Variants in KCNK2 observed in about 807,000 individuals in gnomAD.
KCNK2 encodes potassium channel subfamily K member 2.
Under a neutral mutation model 40.5 loss-of-function variants are expected in KCNK2, and 21 were observed. The ratio of observed to expected loss-of-function variants is 0.52; its 90% CI spans 0.37 to 0.75. The LOEUF (loss-of-function observed/expected upper bound fraction) is 0.75, where lower values mean the gene tolerates loss of function less well. Among genes scored for constraint, KCNK2 ranks in the 30% least tolerant of loss-of-function variants. The pLI is 0.00. For missense variants in KCNK2, 399 were observed against 531.6 expected, an observed-to-expected ratio of 0.75 and a Z score of 2.45; for synonymous variants, 191 against 202.2, an observed-to-expected ratio of 0.94 and a Z score of 0.47.
At chr1:215,224,183 G>C (rs1404582781) in intron 6 of KCNK2, among the ~76,000 whole-genome samples, 4 of 152,068 alleles carry the variant, frequency 2.6e-5, no homozygotes, top group Non-Finnish European at 5.9e-5. Context: ...AGAACCTCCT[G>C]GGTATTAGCT....
rs1663976289 is a variant in KCNK2 at position 215,176,437 on chromosome 1, T to A, written c.823+4254T>A. 2.0e-5 allele frequency among the ~76,000 whole-genome samples: 3 copies of A among 152,126 alleles called. No homozygotes were observed. In the South Asian group the frequency reaches 6.2e-4, roughly 32 times the overall value. ...GTGATTTGCTGCACAGATCAACCCA[T>A]CACCTAGATATTAAGCCCAGAATCT... On this transcript the variant is annotated intron_variant, in intron 5 of 6. Coordinates refer to ENST00000444842, the MANE Select transcript of KCNK2 (RefSeq NM_001017425.3).
At chr1:215,152,571 T>C (rs1420561332) in intron 3 of KCNK2, among the ~76,000 whole-genome samples, 1 of 152,206 alleles carries the variant, frequency 6.6e-6, no homozygotes, top group South Asian at 2.1e-4. Context: ...CTGATTTTAC[T>C]ATTAATTTTG....
At chr1:215,223,272 C>G (rs1303281053) in intron 6 of KCNK2, among the ~76,000 whole-genome samples, 3 of 110,166 alleles carry the variant, frequency 2.7e-5, no homozygotes, top group Non-Finnish European at 5.9e-5. Flanking sequence ...AGTCAAAACT[C>G]TTACAAGTAT....
intron 2 of KCNK2, among the ~76,000 whole-genome samples, chr1:215,104,272 C>A (rs1377900640): frequency 6.6e-6 from 1 of 152,016 alleles, no homozygotes; most frequent in Non-Finnish European, 1.5e-5. Flanking sequence ...AGAACAAACA[C>A]CGGATCTGTG....
intron 6 of KCNK2, among the ~76,000 whole-genome samples, chr1:215,202,116 A>G (rs1451677943): frequency 6.6e-6 from 1 of 152,190 alleles, no homozygotes; most frequent in Non-Finnish European, 1.5e-5. Context: ...AAAATTTCTC[A>G]GGTTTATGTC....
At chr1:215,114,605 G>C (rs545682150) in intron 2 of KCNK2, among the ~76,000 whole-genome samples, 30 of 152,258 alleles carry the variant, frequency 2.0e-4, no homozygotes, top group Admixed American at 1.7e-3. Context: ...GACAGAATCA[G>C]TATGAATCAC....
rs147106370 is a variant in KCNK2 at position 215,201,538 on chromosome 1, T to C, written c.963+6446T>C. Among the ~76,000 whole-genome samples, 26 of 152,318 alleles carry C rather than the reference T, an allele frequency of 1.7e-4. No homozygotes were observed. In the East Asian group the frequency reaches 5.0e-3, roughly 29 times the overall value. On this transcript the variant is annotated intron_variant, in intron 6 of 6. Transcript: ENST00000444842. ...TCCATATGAATGGTGCCCTGGGGAA[T>C]TGAGCCATGGCATGGAGACCAGTTA...
rs997430460 is a variant in KCNK2, at chr1:215,236,673, A to G, written c.*1528A>G. 2.0e-5 allele frequency: 3 copies of G among 152,304 alleles called. No homozygotes were observed. Among genetic ancestry groups the G allele is most frequent in the Non-Finnish European group, 4.4e-5 (3 of 68,018 alleles). The allele number at this position is 152,304 out of a possible 1,614,324, so 9.4% of individuals were successfully genotyped here. On this transcript the variant is annotated 3_prime_UTR_variant, in exon 7 of 7. Coordinates refer to ENST00000444842, the MANE Select transcript of KCNK2 (RefSeq NM_001017425.3). ...TTATTTTCATACTTAGATCTGCTGT[A>G]CATTGTATATATATATAATTTTTAA... is the stretch of plus-strand genomic sequence containing the variant.
At chr1:215,011,227 T>C (rs1013909690) in intron 1 of KCNK2, among the ~76,000 whole-genome samples, 1 of 152,072 alleles carries the variant, frequency 6.6e-6, no homozygotes, top group Non-Finnish European at 1.5e-5. Context: ...GTTTTTTGTC[T>C]TTATAGTTTT....
At chr1:215,230,538 T>TATAC (rs1666609299) in intron 6 of KCNK2, among the ~76,000 whole-genome samples, 2 of 94,726 alleles carry the variant, frequency 2.1e-5, no homozygotes, top group African/African-American at 8.4e-5. Flanking sequence ...TATATGTATA[T>TATAC]ATATACACAC....
intron 3 of KCNK2, among the ~76,000 whole-genome samples, chr1:215,156,235 A>G: frequency 6.6e-6 from 1 of 152,152 alleles, no homozygotes; most frequent in East Asian, 1.9e-4. Context: ...TGGTGTTATT[A>G]AGTTCTGATC....
chr1:215,156,755 A>G (rs1010871166), intron 3 of KCNK2, among the ~76,000 whole-genome samples: 15 of 152,144 alleles, frequency 9.9e-5, no homozygotes, highest in Admixed American at 7.9e-4. Context: ...ATGTCTTACC[A>G]TGGTGCAACA....
chr1:215,188,278 T>G (rs1172282136), intron 5 of KCNK2, among the ~76,000 whole-genome samples: 1 of 152,172 alleles, frequency 6.6e-6, no homozygotes, highest in Non-Finnish European at 1.5e-5. Context: ...TTTGGGACTT[T>G]CCCAGGTAAA....
chr1:215,169,479 T>C, intron 4 of KCNK2, 120 bp downstream of exon 4: 1 of 709,986 alleles, frequency 1.4e-6, no homozygotes, highest in East Asian at 2.8e-5. Context: ...CATAACAATT[T>C]ATATGCATCT....
intron 3 of KCNK2, among the ~76,000 whole-genome samples, chr1:215,160,332 G>A (rs903188358): frequency 2.0e-5 from 3 of 152,150 alleles, no homozygotes; most frequent in African/African-American, 4.8e-5. Flanking sequence ...GAGAGAGTGC[G>A]AAAGCAAAGT....
chr1:215,124,506 A>C (rs1449692339), intron 2 of KCNK2, 127 bp from the exon 3 acceptor site: 1 of 712,090 alleles, frequency 1.4e-6, no homozygotes, highest in Non-Finnish European at 2.6e-6. Flanking sequence ...TATACATTTT[A>C]AATGGAAGAG....
At chr1:215,135,581 A>T (rs952499150) in intron 3 of KCNK2, among the ~76,000 whole-genome samples, 55 of 146,980 alleles carry the variant, frequency 3.7e-4, no homozygotes, top group Middle Eastern at 3.6e-3. Flanking sequence ...TATAAAAATT[A>T]AAAAAAAAAT....
In KCNK2 at chr1:215,236,593, T is replaced by A. The variant is rs1042377750; in HGVS notation, c.*1448T>A. On this transcript the variant is annotated 3_prime_UTR_variant, in exon 7 of 7. Transcript: ENST00000444842. ...TATATCCTGTAATTCTTTGGATGGT[T>A]CCAAGATTCAGAAAAAATTCAGTAA... is the stretch of plus-strand genomic sequence containing the variant. 6.6e-6 allele frequency: 1 copy of A among 152,614 alleles called. No homozygotes were observed. Among genetic ancestry groups the A allele is most frequent in the Admixed American group, 6.6e-5 (1 of 15,256 alleles). 9.5% of individuals were successfully genotyped at this position (152,614 alleles called of 1,614,324 possible). A position where few individuals can be genotyped will look rare whatever the true frequency, so the allele number is the denominator to read the frequency against.
intron 2 of KCNK2, among the ~76,000 whole-genome samples, chr1:215,093,978 T>A (rs890256493): frequency 7.5e-6 from 1 of 133,928 alleles, no homozygotes; most frequent in Admixed American, 9.0e-5. Context: ...ATATATATAT[T>A]GTATATGGTT....
Sources: allele counts gnomAD v4.1 joint callset (sites outside exome capture counted in the v4.1 genomes callset), GRCh38; gene constraint gnomAD v4.1.1; transcripts MANE v1.5; gene names NCBI Gene and HGNC (gene_info 2026-07-23, HGNC 2026-07-21).